SPAG1: variants seen among roughly 807,000 people sequenced by gnomAD.
SPAG1 encodes sperm-associated antigen 1.
A neutral mutation model predicts 100.5 loss-of-function variants in SPAG1; 69 were observed. The observed-to-expected ratio is 0.69, with a 90% confidence interval of 0.57 to 0.84. SPAG1 has a LOEUF of 0.84. Among genes scored for constraint, SPAG1 ranks in the 40% least tolerant of loss-of-function variants. The pLI, the probability that SPAG1 is intolerant of heterozygous loss-of-function variation, is 0.00. For missense variants in SPAG1, 955 were observed against 1,133.1 expected (o/e 0.84, Z 2.26); for synonymous variants, 336 against 411.6 (o/e 0.82, Z 2.22).
chr8:100,176,119 A>G (rs1284644704), intron 3 of SPAG1, among the ~76,000 whole-genome samples: 1 of 151,816 alleles, frequency 6.6e-6, no homozygotes, highest in Non-Finnish European at 1.5e-5. Flanking sequence ...CTTTCTCTTT[A>G]TTGATTTTCT....
intron 10 of SPAG1, among the ~76,000 whole-genome samples, chr8:100,200,965 A>G (rs1436820121): frequency 6.9e-6 from 1 of 145,824 alleles, no homozygotes; most frequent in South Asian, 2.2e-4. Context: ...ATGAAGTCCA[A>G]TTTTTTTTTT....
Position 100,191,976 on chromosome 8 carries a change from A to G in SPAG1, c.939+480A>G, listed in dbSNP as rs553863292. Among the ~76,000 whole-genome samples the G allele has an allele frequency of 2.0e-5, 3 of 152,324 alleles. No individual in the cohort carries two copies. The East Asian group carries it at 5.8e-4, about 29-fold the overall frequency. ...CAAGAACTGAGATTTTCCCCTGCTT[A>G]CAAATGAACAAGGTGGCCTACCAGA... is the stretch of plus-strand genomic sequence containing the variant. On this transcript the variant is annotated intron_variant, in intron 9 of 18. Coordinates refer to ENST00000388798, the MANE Select transcript of SPAG1 (RefSeq NM_003114.5).
chr8:100,189,254 T>C (rs1816711329), intron 8 of SPAG1, among the ~76,000 whole-genome samples: 2 of 150,664 alleles, frequency 1.3e-5, no homozygotes, highest in African/African-American at 4.9e-5. Context: ...GGTGGGTGGA[T>C]CACTTGAGGC....
rs543561264 is a variant in SPAG1, at chr8:100,235,441, C to T, written c.2115+1904C>T. Among the ~76,000 whole-genome samples, 14 of 152,142 alleles carry T rather than the reference C, an allele frequency of 9.2e-5. No homozygotes were observed. In the South Asian group the frequency reaches 2.9e-3, roughly 32 times the overall value. On this transcript the variant is annotated intron_variant, in intron 16 of 18. Transcript: ENST00000388798. ...TAAAGTTGACATAGCAGTCAAATGT[C>T]TAGGGGAAGTGATGGAGGGGATGCC... is the stretch of plus-strand genomic sequence containing the variant.
chr8:100,172,632 A>ATGTG (rs1476386593), intron 3 of SPAG1, among the ~76,000 whole-genome samples: 86 of 93,824 alleles, frequency 9.2e-4, no homozygotes, highest in Admixed American at 3.1e-3. Context: ...AAAAAGAAAT[A>ATGTG]TATGTGTGTG....
chr8:100,178,051 G>T, intron 4 of SPAG1, 110 bp downstream of exon 4: 1 of 756,248 alleles, frequency 1.3e-6, no homozygotes, highest in African/African-American at 1.7e-5. Flanking sequence ...TCCTCTAGGA[G>T]AATTGGGGAG....
intron 9 of SPAG1, among the ~76,000 whole-genome samples, chr8:100,193,191 G>A (rs1816886234): frequency 6.6e-6 from 1 of 152,180 alleles, no homozygotes; most frequent in African/African-American, 2.4e-5. Context: ...TGGGCACGGT[G>A]GCTCACACCT....
intron 5 of SPAG1, among the ~76,000 whole-genome samples, chr8:100,183,662 A>C (rs1386576987): frequency 6.6e-6 from 1 of 152,152 alleles, no homozygotes; most frequent in Non-Finnish European, 1.5e-5. Context: ...AAAAAAACTA[A>C]TGTATTTTTT....
chr8:100,225,311 C>G lies in SPAG1; in HGVS notation c.1827C>G (p.Ser609=). 1 of 1,613,750 alleles carries G rather than the reference C, an allele frequency of 6.2e-7. No individual in the cohort carries two copies. Residue 609 remains serine (S), a synonymous_variant, in exon 14 of 19, where the codon TCC becomes TCG. Coordinates refer to ENST00000388798, the MANE Select transcript of SPAG1 (RefSeq NM_003114.5). ...TGATCTCAAAACAAGCAGGAGACTC[C>G]AGCAGCCATCGCCAGCAGGGCATCA... ...KEMISKQAGD[S]SSHRQQGITD...
chr8:100,198,800 C>T (rs1197428273), intron 10 of SPAG1, among the ~76,000 whole-genome samples: 1 of 152,170 alleles, frequency 6.6e-6, no homozygotes, highest in South Asian at 2.1e-4. Context: ...TTACCCTTCC[C>T]CTGGCCCCTG....
intron 10 of SPAG1, among the ~76,000 whole-genome samples, chr8:100,195,520 A>C (rs1409247561): frequency 2.0e-5 from 3 of 152,184 alleles, no homozygotes; most frequent in Non-Finnish European, 4.4e-5. Context: ...GTGAGAAGGA[A>C]GAGAGAACAT....
chr8:100,177,813 C>T lies in SPAG1; in HGVS notation c.301-3C>T, dbSNP rs375711821. ...ATATATTTACCCTTTTCTCTATTCT[C>T]AGAGTTGGGTATCAGAAATTAAAAA... On this transcript the variant is annotated splice_polypyrimidine_tract_variant and splice_region_variant and intron_variant, in intron 3 of 18. Transcript: ENST00000388798. 1.5e-5 allele frequency: 22 copies of T among 1,467,624 alleles called. No individual in the cohort carries two copies. The African/African-American group carries it at 2.6e-4, about 18-fold the overall frequency. 90.9% of individuals were successfully genotyped at this position (1,467,624 alleles called of 1,614,324 possible).
At chr8:100,194,932 C>T (rs1288865712) in intron 10 of SPAG1, among the ~76,000 whole-genome samples, 5 of 151,970 alleles carry the variant, frequency 3.3e-5, no homozygotes, top group African/African-American at 4.8e-5. Context: ...TTTGGGAGGC[C>T]GAGGCGGGTG....
chr8:100,202,657 C>A (rs867911746), intron 10 of SPAG1, among the ~76,000 whole-genome samples: 14 of 141,066 alleles, frequency 9.9e-5, no homozygotes, highest in Non-Finnish European at 2.0e-4. Flanking sequence ...TTGCAGTGAG[C>A]CGAGATCGCG....
chr8:100,227,124 G>A (rs762247418), intron 14 of SPAG1, among the ~76,000 whole-genome samples: 17 of 152,212 alleles, frequency 1.1e-4, no homozygotes, highest in South Asian at 2.1e-4. Flanking sequence ...GCACAATAGC[G>A]AAATTGCCCA....
At chr8:100,194,539 C>A in intron 10 of SPAG1, 1 of 549,770 alleles carries the variant, frequency 1.8e-6, no homozygotes, top group South Asian at 2.8e-5. Flanking sequence ...GTTTATTTGA[C>A]ACAGACCATT....
chr8:100,203,484 G>A (rs185276921), intron 10 of SPAG1, among the ~76,000 whole-genome samples: 2 of 152,090 alleles, frequency 1.3e-5, no homozygotes, highest in Non-Finnish European at 2.9e-5. Flanking sequence ...AATATGATTA[G>A]ACCCAAAAAT....
rs78139635 is a variant in SPAG1 at position 100,158,614 on chromosome 8, G to A, written c.-5G>A. On this transcript the variant is annotated splice_region_variant and 5_prime_UTR_variant, in exon 1 of 19. Transcript: ENST00000388798. ...TAGTAGGCCCGAGCAGTTTGAACTG[G>A]AGGTATTACTAAGCTGGCTACGAAA... 142 of 152,350 alleles carry A rather than the reference G, an allele frequency of 9.3e-4. No individual in the cohort carries two copies. Among genetic ancestry groups the A allele is most frequent in the Middle Eastern group, 3.4e-3 (1 of 294 alleles). 9.4% of individuals were successfully genotyped at this position (152,350 alleles called of 1,614,324 possible). A position where few individuals can be genotyped will look rare whatever the true frequency, so the allele number is the denominator to read the frequency against.
chr8:100,198,435 A>C (rs1042017514), intron 10 of SPAG1, among the ~76,000 whole-genome samples: 15 of 152,210 alleles, frequency 9.9e-5, no homozygotes, highest in African/African-American at 3.4e-4. Context: ...AACAATAAGA[A>C]AAAGATGAGG....
Sources: gnomAD v4.1 joint callset for allele counts (sites outside exome capture counted in the v4.1 genomes callset) on GRCh38, gnomAD v4.1.1 for gene constraint, MANE v1.5 for transcripts, NCBI Gene and HGNC (gene_info 2026-07-23, HGNC 2026-07-21) for gene names.